The following SHISA9 variants were observed in gnomAD, a reference collection of about 807,000 sequenced individuals.
SHISA9 encodes the protein shisa family member 9.
SHISA9 carries 13 observed loss-of-function variants against 38.0 expected under a neutral mutation model. The observed-to-expected ratio is 0.34, with a 90% confidence interval of 0.22 to 0.54. The LOEUF is 0.54. Ranked by LOEUF, SHISA9 falls within the 20% of genes least tolerant of loss-of-function variation. The pLI is 0.91. For synonymous variants in SHISA9, 275 were observed against 242.0 expected (o/e 1.14, Z -1.27); for missense variants, 538 against 575.8 (o/e 0.93, Z 0.67).
At chr16:13,373,840 A>G in the SHISA9 span, among the ~76,000 whole-genome samples, 1 of 152,072 alleles carries the variant, frequency 6.6e-6, no homozygotes, top group Non-Finnish European at 1.5e-5. Flanking sequence ...GAGGTAATGT[A>G]CATGCAGTGT....
the SHISA9 span, among the ~76,000 whole-genome samples, chr16:13,435,785 C>A: frequency 6.6e-6 from 1 of 152,150 alleles, no homozygotes; most frequent in Non-Finnish European, 1.5e-5. Context: ...AAATCCTCTC[C>A]CTGAACATAG....
At chr16:13,158,638 C>CA (rs1194498655) in intron 2 of SHISA9, among the ~76,000 whole-genome samples, 1 of 152,136 alleles carries the variant, frequency 6.6e-6, no homozygotes, top group Non-Finnish European at 1.5e-5. Flanking sequence ...GCCTGTGCCA[C>CA]AAGGGAGGCT....
intron 2 of SHISA9, among the ~76,000 whole-genome samples, chr16:13,040,265 C>A (rs1567192066): frequency 6.6e-6 from 1 of 152,188 alleles, no homozygotes; most frequent in Non-Finnish European, 1.5e-5. Flanking sequence ...CCTCCTTTTG[C>A]CTTGACTACC....
intron 1 of SHISA9, among the ~76,000 whole-genome samples, chr16:12,915,002 G>A (rs1308032874): frequency 2.0e-5 from 3 of 152,198 alleles, no homozygotes; most frequent in Non-Finnish European, 2.9e-5. Context: ...GGTGGTCTGC[G>A]TGGGTTGCCC....
At chr16:13,398,671 C>T in the SHISA9 span, among the ~76,000 whole-genome samples, 3,192 of 151,958 alleles carry the variant, frequency 0.021, 123 homozygotes, top group African/African-American at 0.073. Flanking sequence ...CCACCACGTC[C>T]GGCTAATTTT....
intron 2 of SHISA9, among the ~76,000 whole-genome samples, chr16:12,943,990 T>A (rs1348698643): frequency 1.3e-5 from 2 of 151,348 alleles, no homozygotes; most frequent in Non-Finnish European, 2.9e-5. Flanking sequence ...GTCAGACAAT[T>A]CTTTGTTGTG....
chr16:13,124,920 A>T (rs1245301897), intron 2 of SHISA9, among the ~76,000 whole-genome samples: 1 of 152,224 alleles, frequency 6.6e-6, no homozygotes, highest in Non-Finnish European at 1.5e-5. Flanking sequence ...ATCCATATGC[A>T]GCAGAATGAA....
chr16:13,475,634 G>A, the SHISA9 span, among the ~76,000 whole-genome samples: 2 of 152,060 alleles, frequency 1.3e-5, no homozygotes, highest in Admixed American at 6.5e-5. Flanking sequence ...GTTGTTGGGG[G>A]ATGGTTTGGG....
chr16:13,425,100 A>G, the SHISA9 span, among the ~76,000 whole-genome samples: 2 of 152,270 alleles, frequency 1.3e-5, no homozygotes, highest in African/African-American at 4.8e-5. Flanking sequence ...TGAATGCAGA[A>G]AAAGAAAATC....
intron 2 of SHISA9, among the ~76,000 whole-genome samples, chr16:13,147,493 T>C (rs1298198419): frequency 7.7e-6 from 1 of 130,134 alleles, no homozygotes; most frequent in African/African-American, 2.8e-5. Flanking sequence ...TTTTCCAGTC[T>C]CGCTCTGTCA....
intron 3 of SHISA9, among the ~76,000 whole-genome samples, chr16:13,204,444 C>A (rs982581574): frequency 1.3e-5 from 2 of 152,100 alleles, no homozygotes; most frequent in African/African-American, 2.4e-5. Flanking sequence ...GACACTTTAA[C>A]CCCTTTACCA....
the SHISA9 span, among the ~76,000 whole-genome samples, chr16:13,489,499 G>A: frequency 7.2e-4 from 109 of 152,210 alleles, no homozygotes; most frequent in Non-Finnish European, 1.4e-3. Context: ...TAATTCCCAC[G>A]TGTTGTGAGA....
chr16:13,434,497 A>G, the SHISA9 span, among the ~76,000 whole-genome samples: 1 of 145,474 alleles, frequency 6.9e-6, no homozygotes, highest in African/African-American at 2.5e-5. Flanking sequence ...GGCTCACTGC[A>G]AGCTCCGCCT....
the SHISA9 span, among the ~76,000 whole-genome samples, chr16:13,514,771 T>C: frequency 7.2e-5 from 11 of 152,214 alleles, no homozygotes; most frequent in East Asian, 2.1e-3. Context: ...GACCAAAAAT[T>C]TTATGCTAAC....
At chr16:13,324,911 A>G in the SHISA9 span, among the ~76,000 whole-genome samples, 15 of 152,364 alleles carry the variant, frequency 9.8e-5, no homozygotes, top group East Asian at 2.3e-3. Flanking sequence ...CTTCCAGGCC[A>G]TAGGTGGATT....
At chr16:13,421,489 G>A in the SHISA9 span, among the ~76,000 whole-genome samples, 1 of 152,068 alleles carries the variant, frequency 6.6e-6, no homozygotes, top group South Asian at 2.1e-4. Context: ...ACTACCACGA[G>A]AACAGTATGG....
the SHISA9 span, among the ~76,000 whole-genome samples, chr16:13,543,251 G>A: frequency 6.6e-6 from 1 of 152,140 alleles, no homozygotes; most frequent in Non-Finnish European, 1.5e-5. Context: ...ATGTTAGATG[G>A]TCATGATATA....
the SHISA9 span, among the ~76,000 whole-genome samples, chr16:13,246,143 T>G: frequency 6.6e-6 from 1 of 152,062 alleles, no homozygotes; most frequent in Non-Finnish European, 1.5e-5. Flanking sequence ...CCCACCCAAA[T>G]CTTATCTTGA....
chr16:13,264,885 C>G, the SHISA9 span, among the ~76,000 whole-genome samples: 1 of 151,996 alleles, frequency 6.6e-6, no homozygotes, highest in Non-Finnish European at 1.5e-5. Flanking sequence ...CTTCTTCTCC[C>G]TTTCCAGTCT....
Sources: gnomAD v4.1 joint callset for allele counts (sites outside exome capture counted in the v4.1 genomes callset) on GRCh38, gnomAD v4.1.1 for gene constraint, MANE v1.5 for transcripts, NCBI Gene and HGNC (gene_info 2026-07-23, HGNC 2026-07-21) for gene names.